Variants in PDZRN3 observed in about 807,000 individuals in gnomAD.
The protein encoded by PDZRN3 is E3 ubiquitin-protein ligase PDZRN3.
A neutral mutation model predicts 85.7 loss-of-function variants in PDZRN3; 38 were observed. The observed-to-expected ratio is 0.44, with a 90% CI of 0.34 to 0.58. The LOEUF is 0.58. PDZRN3 is among the 20% of genes least tolerant of loss of function. The pLI is 0.01. For missense variants in PDZRN3, 1,629 were observed against 1,506.4 expected, an observed-to-expected ratio of 1.08 and a Z score of -1.35; for synonymous variants, 759 against 638.0, an observed-to-expected ratio of 1.19 and a Z score of -2.86.
At chr3:73,458,814 AC>A (rs998505114) in intron 3 of PDZRN3, among the ~76,000 whole-genome samples, 1 of 151,342 alleles carries the variant, frequency 6.6e-6, no homozygotes, top group African/African-American at 2.4e-5. Flanking sequence ...ATATGGTGAA[AC>A]CCCATCTCTA....
In PDZRN3 at chr3:73,513,472, T is replaced by A. The variant is rs572731710; in HGVS notation, c.918+88882A>T. 1.2e-4 allele frequency among the ~76,000 whole-genome samples: 18 copies of A among 152,192 alleles called. No homozygotes were observed. The South Asian group carries it at 3.7e-3, about 32-fold the overall frequency. On this transcript the variant is annotated intron_variant, in intron 3 of 9. Transcript: ENST00000263666. ...CAGGCAGCAGATGCTCAGCCCTAGGTTAATGATTAACGTGCTGGACCCTGG... is the reference window on the plus strand; with the variant it reads ...CAGGCAGCAGATGCTCAGCCCTAGGATAATGATTAACGTGCTGGACCCTGG...
chr3:73,592,284 T>G (rs1436777732), intron 3 of PDZRN3, among the ~76,000 whole-genome samples: 1 of 152,178 alleles, frequency 6.6e-6, no homozygotes, highest in Admixed American at 6.5e-5. Context: ...TCAATTTTGC[T>G]CCACCCCAGA....
chr3:73,555,704 C>T (rs1701678038), intron 3 of PDZRN3, among the ~76,000 whole-genome samples: 2 of 152,094 alleles, frequency 1.3e-5, no homozygotes, highest in Non-Finnish European at 2.9e-5. Flanking sequence ...GAAGAGAAAA[C>T]TCTAGGAAAA....
chr3:73,479,426 T>G (rs1575681030), intron 3 of PDZRN3, among the ~76,000 whole-genome samples: 1 of 152,070 alleles, frequency 6.6e-6, no homozygotes, highest in African/African-American at 2.4e-5. Context: ...TCACTGTTAT[T>G]TCATTGCTTG....
chr3:73,526,064 C>T (rs1398588978), intron 3 of PDZRN3, among the ~76,000 whole-genome samples: 3 of 152,098 alleles, frequency 2.0e-5, no homozygotes, highest in Non-Finnish European at 4.4e-5. Context: ...TACGTGATCT[C>T]GGCAAGTTAC....
intron 3 of PDZRN3, among the ~76,000 whole-genome samples, chr3:73,413,587 C>A (rs893075218): frequency 6.6e-6 from 1 of 152,026 alleles, no homozygotes; most frequent in African/African-American, 2.4e-5. Flanking sequence ...GGGATGTGAC[C>A]CAGGTCTGCC....
intron 3 of PDZRN3, among the ~76,000 whole-genome samples, chr3:73,502,917 T>C (rs1461459253): frequency 6.6e-6 from 1 of 152,182 alleles, no homozygotes; most frequent in African/African-American, 2.4e-5. Context: ...CAAAATACTT[T>C]CTACAAGATG....
chr3:73,422,721 G>C (rs912048674), intron 3 of PDZRN3, among the ~76,000 whole-genome samples: 3 of 152,038 alleles, frequency 2.0e-5, no homozygotes, highest in Admixed American at 6.6e-5. Context: ...TTCCTCTTTG[G>C]GGAACAGCCA....
At chr3:73,565,649 C>T (rs1701930599) in intron 3 of PDZRN3, among the ~76,000 whole-genome samples, 2 of 152,016 alleles carry the variant, frequency 1.3e-5, no homozygotes, top group South Asian at 4.2e-4. Flanking sequence ...GAAAACTATG[C>T]TTCAGGGGCC....
chr3:73,499,049 G>T (rs938901568), intron 3 of PDZRN3, among the ~76,000 whole-genome samples: 3 of 152,132 alleles, frequency 2.0e-5, no homozygotes, highest in African/African-American at 7.2e-5. Context: ...GTTTAACCAG[G>T]AGATTCCCAG....
At chr3:73,463,762 A>G (rs1199311874) in intron 3 of PDZRN3, among the ~76,000 whole-genome samples, 2 of 152,216 alleles carry the variant, frequency 1.3e-5, no homozygotes, top group Non-Finnish European at 2.9e-5. Context: ...AAGACATGGA[A>G]TCAACCTAAA....
In PDZRN3 at chr3:73,382,667, C is replaced by G. The variant is rs1458005755; in HGVS notation, c.*698G>C. 1 of 152,644 alleles carries G rather than the reference C, an allele frequency of 6.6e-6. No individual in the cohort carries two copies. Among genetic ancestry groups the G allele is most frequent in the African/African-American group, 2.4e-5 (1 of 41,448 alleles). The allele number at this position is 152,644 out of a possible 1,614,324, so 9.5% of individuals were successfully genotyped here. On this transcript the variant is annotated 3_prime_UTR_variant, in exon 10 of 10. Coordinates refer to ENST00000263666, the MANE Select transcript of PDZRN3 (RefSeq NM_015009.3). The stretch of plus-strand genomic sequence containing the variant: ...TCCATCCACAACTTTCCTGTACATG[C>G]AAATTCTTTCAATGGGCTGCAATAT...
chr3:73,617,268 T>A (rs1208114934), intron 1 of PDZRN3, among the ~76,000 whole-genome samples: 3 of 152,212 alleles, frequency 2.0e-5, no homozygotes, highest in Non-Finnish European at 4.4e-5. Flanking sequence ...AATATATGGA[T>A]GGAATGAGTG....
At chr3:73,589,212 G>A (rs1224028449) in intron 3 of PDZRN3, among the ~76,000 whole-genome samples, 4 of 152,068 alleles carry the variant, frequency 2.6e-5, no homozygotes, top group African/African-American at 9.7e-5. Flanking sequence ...CACAAGCAAC[G>A]TGCTTAATCA....
chr3:73,609,264 T>C (rs1229190409), intron 1 of PDZRN3, among the ~76,000 whole-genome samples: 5 of 152,072 alleles, frequency 3.3e-5, no homozygotes, highest in Non-Finnish European at 5.9e-5. Flanking sequence ...ACAAAGTAAT[T>C]ACTGTCCAAT....
chr3:73,404,517 G>A (rs551185224), intron 3 of PDZRN3, 122 bp from the exon 4 acceptor site: 6 of 1,027,250 alleles, frequency 5.8e-6, no homozygotes, highest in Middle Eastern at 3.2e-4. Flanking sequence ...GGTGGTGTCA[G>A]AGAACTTCAG....
intron 3 of PDZRN3, among the ~76,000 whole-genome samples, chr3:73,529,093 A>G (rs1704594324): frequency 6.6e-6 from 1 of 152,132 alleles, no homozygotes; most frequent in South Asian, 2.1e-4. Context: ...GCTGTGGAGC[A>G]AGGATTTGGA....
intron 3 of PDZRN3, among the ~76,000 whole-genome samples, chr3:73,501,196 G>A (rs1486537839): frequency 1.3e-5 from 2 of 152,194 alleles, no homozygotes; most frequent in African/African-American, 4.8e-5. Context: ...CAGCTGTTGG[G>A]CTCTTAACAG....
At chr3:73,431,008 C>G (rs1702420062) in intron 3 of PDZRN3, among the ~76,000 whole-genome samples, 1 of 152,142 alleles carries the variant, frequency 6.6e-6, no homozygotes, top group South Asian at 2.1e-4. Context: ...GCCCTGCAAC[C>G]CCCACCACCT....
Sources: allele counts gnomAD v4.1 joint callset (sites outside exome capture counted in the v4.1 genomes callset), GRCh38; gene constraint gnomAD v4.1.1; transcripts MANE v1.5; gene names NCBI Gene and HGNC (gene_info 2026-07-23, HGNC 2026-07-21).